Variants in KANSL1 observed in about 807,000 individuals in gnomAD.
The protein encoded by KANSL1 is KAT8 regulatory NSL complex subunit 1.
KANSL1 carries 22 observed loss-of-function variants against 103.6 expected under a neutral mutation model. The observed-to-expected ratio is 0.21, with a 90% CI of 0.15 to 0.30. The LOEUF (loss-of-function observed/expected upper bound fraction) is 0.30, where lower values mean the gene tolerates loss of function less well. Among genes scored for constraint, KANSL1 ranks in the 10% least tolerant of loss-of-function variants. The pLI is 1.00. For missense variants in KANSL1, 1,337 were observed against 1,399.8 expected (o/e 0.96, Z 0.72); for synonymous variants, 600 against 527.6 (o/e 1.14, Z -1.88).
chr17:46,087,717 A>G (rs4061090), intron 3 of KANSL1, among the ~76,000 whole-genome samples: 3 of 152,176 alleles, frequency 2.0e-5, no homozygotes, highest in African/African-American at 4.8e-5. Flanking sequence ...TATATTTAAT[A>G]TATTTTGAGC....
intron 7 of KANSL1, chr17:46,043,720 C>G (rs1334794007): frequency 1.3e-5 from 2 of 152,176 alleles, no homozygotes; most frequent in African/African-American, 4.8e-5. Context: ...TAGTCAATGA[C>G]TCTTCAACTG....
intron 2 of KANSL1, among the ~76,000 whole-genome samples, chr17:46,133,495 T>C (rs547415274): frequency 2.6e-5 from 4 of 152,312 alleles, no homozygotes; most frequent in Admixed American, 2.0e-4. Flanking sequence ...CGTCAAGGCA[T>C]GGAGATACGG....
At chr17:46,042,250 G>C (rs1354292470) in intron 7 of KANSL1, 2 of 152,172 alleles carry the variant, frequency 1.3e-5, no homozygotes. Context: ...GGGTCCCATA[G>C]AGCACAGAGG....
chr17:46,217,240 C>T (rs1427322380), intron 1 of KANSL1, among the ~76,000 whole-genome samples: 1 of 152,112 alleles, frequency 6.6e-6, no homozygotes, highest in East Asian at 1.9e-4. Context: ...CTTTAAGAGG[C>T]CGAGGTGGGT....
intron 10 of KANSL1, among the ~76,000 whole-genome samples, chr17:46,036,990 T>C (rs1009397075): frequency 3.9e-4 from 60 of 152,148 alleles, no homozygotes; most frequent in African/African-American, 1.4e-3. Context: ...GCTGGGATTA[T>C]AGGTGAGCGC....
At chr17:46,149,156 C>T (rs1460661015) in intron 2 of KANSL1, among the ~76,000 whole-genome samples, 1 of 152,166 alleles carries the variant, frequency 6.6e-6, no homozygotes. Flanking sequence ...GCGCCCACCA[C>T]TGCGCCCAGC....
At chr17:46,137,707 A>AAC in intron 2 of KANSL1, among the ~76,000 whole-genome samples, 1 of 152,042 alleles carries the variant, frequency 6.6e-6, no homozygotes, top group Non-Finnish European at 1.5e-5. Context: ...ACTAAAAAAA[A>AAC]ATACAAAAAA....
chr17:46,181,811 A>C (rs2046807946), intron 1 of KANSL1, among the ~76,000 whole-genome samples: 1 of 152,202 alleles, frequency 6.6e-6, no homozygotes, highest in South Asian at 2.1e-4. Context: ...ATACGGACCC[A>C]GAACTCCCCA....
At position 46,038,561 on chromosome 17, in the gene KANSL1, A is replaced by G; in HGVS notation, c.2518T>C (p.Ser840Pro). ...SDSPAPASSS[S>P]QVTASTSQQP... is the part of the protein sequence containing the mutation. ...ACCGATGTGCTGGCTGTAACCTGTG[A>G]GCTAGAGCTGGCGGGTGCAGGGGAA... is the stretch of plus-strand genomic sequence containing the variant. Residue 840 changes from serine to proline, a missense_variant, in exon 10 of 15, where the codon TCA becomes CCA. Transcript: ENST00000432791. The G allele has an allele frequency of 6.2e-7, 1 of 1,614,070 alleles. No individual in the cohort carries two copies.
At chr17:46,184,681 T>C (rs2046936297) in intron 1 of KANSL1, among the ~76,000 whole-genome samples, 2 of 152,148 alleles carry the variant, frequency 1.3e-5, no homozygotes, top group South Asian at 4.1e-4. Flanking sequence ...CAGCTCAAGG[T>C]TACATGCTCT....
chr17:46,058,342 C>G (rs1185674568), intron 6 of KANSL1, among the ~76,000 whole-genome samples: 6 of 152,310 alleles, frequency 3.9e-5, no homozygotes, highest in Middle Eastern at 3.4e-3. Context: ...ATAGAGAATT[C>G]AAGACAGAAG....
intron 2 of KANSL1, among the ~76,000 whole-genome samples, chr17:46,143,046 T>G (rs1406008643): frequency 6.6e-6 from 1 of 152,236 alleles, no homozygotes; most frequent in Non-Finnish European, 1.5e-5. Context: ...TATGGCAAGT[T>G]TCTAAAAATC....
At chr17:46,094,472 T>G in intron 3 of KANSL1, 88 bp downstream of exon 3, 2 of 1,428,666 alleles carry the variant, frequency 1.4e-6, no homozygotes, top group Non-Finnish European at 1.9e-6. Context: ...AAGAGGGTTA[T>G]GGGGGTTACG....
At chr17:46,186,101 C>T (rs1224502957) in intron 1 of KANSL1, among the ~76,000 whole-genome samples, 3 of 151,878 alleles carry the variant, frequency 2.0e-5, no homozygotes, top group African/African-American at 4.8e-5. Flanking sequence ...GGAGGCCGGG[C>T]GCGGTGGCTC....
intron 1 of KANSL1, among the ~76,000 whole-genome samples, chr17:46,213,546 G>C (rs1190956799): frequency 2.0e-5 from 3 of 148,610 alleles, no homozygotes; most frequent in South Asian, 4.2e-4. Context: ...CTGACCTCAT[G>C]ATGGGCCCGC....
intron 4 of KANSL1, among the ~76,000 whole-genome samples, chr17:46,077,440 T>C (rs549758075): frequency 1.3e-5 from 2 of 152,274 alleles, no homozygotes; most frequent in South Asian, 2.1e-4. Flanking sequence ...AGGCGTTAGG[T>C]TTTTTTCCTA....
intron 2 of KANSL1, among the ~76,000 whole-genome samples, chr17:46,100,444 C>CAAAAAAAAAAAAA (rs369274727): frequency 1.7e-4 from 15 of 88,266 alleles, no homozygotes; most frequent in Admixed American, 7.5e-4. Flanking sequence ...TCCCTCTCCC[C>CAAAAAAAAAAAAA]AAAAAAAAAA....
intron 2 of KANSL1, among the ~76,000 whole-genome samples, chr17:46,125,084 GA>G (rs1461785728): frequency 1.2e-4 from 3 of 26,082 alleles, no homozygotes; most frequent in Admixed American, 3.1e-4. Flanking sequence ...GAGGGAGGGA[GA>G]GAGGGAGGGA....
At chr17:46,105,947 A>ACCC (rs67725690) in intron 2 of KANSL1, among the ~76,000 whole-genome samples, 27 of 57,862 alleles carry the variant, frequency 4.7e-4, no homozygotes, top group Middle Eastern at 8.1e-3. Flanking sequence ...ACACACACAC[A>ACCC]CCCCCCCAGA....
Sources: gnomAD v4.1 joint callset for allele counts (sites outside exome capture counted in the v4.1 genomes callset) on GRCh38, gnomAD v4.1.1 for gene constraint, MANE v1.5 for transcripts, NCBI Gene and HGNC (gene_info 2026-07-23, HGNC 2026-07-21) for gene names.